Variants in GRIP1 observed in about 807,000 individuals in gnomAD.
GRIP1 encodes the protein glutamate receptor-interacting protein 1.
In GRIP1, 45 loss-of-function variants were observed where a neutral mutation model predicts 129.9. The ratio of observed to expected loss-of-function variants is 0.35; its 90% CI spans 0.27 to 0.44. The LOEUF is 0.44. Among genes scored for constraint, GRIP1 ranks in the 20% least tolerant of loss-of-function variants. The pLI, the probability that GRIP1 is intolerant of heterozygous loss-of-function variation, is 1.00. For missense variants in GRIP1, 1,196 were observed against 1,396.8 expected (o/e 0.86, Z 2.29); for synonymous variants, 530 against 520.8 (o/e 1.02, Z -0.24).
chr12:66,895,058 GTACCATGTGCCAGATTGTCAGCCTCTGT>G (rs1418343114), intron 1 of GRIP1, among the ~76,000 whole-genome samples: 4 of 152,024 alleles, frequency 2.6e-5, no homozygotes, highest in African/African-American at 4.8e-5. Context: ...TCAGCCTCTG[GTACCATGTGCCAGATTGTCAGCCTCTGT>G]TACCATGAAC....
chr12:66,457,388 C>T (rs2058999383), intron 9 of GRIP1, among the ~76,000 whole-genome samples: 2 of 152,172 alleles, frequency 1.3e-5, no homozygotes, highest in Non-Finnish European at 2.9e-5. Flanking sequence ...CCGCCTCAGC[C>T]TCCTGAGTAG....
chr12:66,874,773 C>T (rs1566060700), intron 1 of GRIP1, among the ~76,000 whole-genome samples: 1 of 152,044 alleles, frequency 6.6e-6, no homozygotes, highest in Admixed American at 6.6e-5. Flanking sequence ...CCCCCATGAT[C>T]CAATCACCTC....
chr12:66,624,874 A>G (rs529631764), intron 1 of GRIP1, among the ~76,000 whole-genome samples: 2 of 152,320 alleles, frequency 1.3e-5, no homozygotes, highest in South Asian at 4.1e-4. Context: ...GCTAATTTCC[A>G]GCAAAACATT....
At chr12:66,505,410 T>C (rs529153694) in intron 7 of GRIP1, among the ~76,000 whole-genome samples, 1 of 152,310 alleles carries the variant, frequency 6.6e-6, no homozygotes, top group East Asian at 1.9e-4. Context: ...TGCGTTAGCT[T>C]GGAAGGGATT....
chr12:66,421,695 T>C (rs2057808952), intron 14 of GRIP1, among the ~76,000 whole-genome samples: 1 of 151,174 alleles, frequency 6.6e-6, no homozygotes, highest in Admixed American at 6.6e-5. Context: ...ATTTTGTTGC[T>C]AGTTAACTAA....
chr12:66,444,853 C>T (rs1565744362), intron 12 of GRIP1, 124 bp from the exon 13 acceptor site: 1 of 932,886 alleles, frequency 1.1e-6, no homozygotes, highest in South Asian at 1.4e-5. Context: ...TTATTCAATG[C>T]TGTGGGCATC....
At chr12:66,988,022 T>A (rs1592433656) in intron 1 of GRIP1, among the ~76,000 whole-genome samples, 1 of 152,300 alleles carries the variant, frequency 6.6e-6, no homozygotes, top group East Asian at 1.9e-4. Context: ...AAGGTCTCTG[T>A]TTCCTCATTT....
intron 1 of GRIP1, among the ~76,000 whole-genome samples, chr12:67,033,430 A>G (rs2043052057): frequency 6.6e-6 from 1 of 152,260 alleles, no homozygotes; most frequent in East Asian, 1.9e-4. Flanking sequence ...ATATACATCT[A>G]TATACCTACA....
chr12:66,478,197 C>G (rs1057351843), intron 7 of GRIP1, among the ~76,000 whole-genome samples: 3 of 152,082 alleles, frequency 2.0e-5, no homozygotes, highest in African/African-American at 7.3e-5. Flanking sequence ...GACAAACAAC[C>G]CCATCAAAAA....
At chr12:66,397,543 T>C (rs2056842983) in intron 16 of GRIP1, among the ~76,000 whole-genome samples, 1 of 151,872 alleles carries the variant, frequency 6.6e-6, no homozygotes, top group Non-Finnish European at 1.5e-5. Flanking sequence ...TGTTTTTCTA[T>C]CAGATAGATT....
chr12:66,390,935 T>C (rs1361232466), intron 19 of GRIP1, among the ~76,000 whole-genome samples: 1 of 152,198 alleles, frequency 6.6e-6, no homozygotes, highest in Non-Finnish European at 1.5e-5. Flanking sequence ...ACTTAGGTGT[T>C]CAAAGTATTT....
At chr12:66,434,488 T>C (rs1192436645) in intron 13 of GRIP1, among the ~76,000 whole-genome samples, 1 of 152,230 alleles carries the variant, frequency 6.6e-6, no homozygotes, top group African/African-American at 2.4e-5. Flanking sequence ...ATCCTTTCAA[T>C]TTCTCAGTAG....
At chr12:66,522,158 T>C (rs560196177) in intron 5 of GRIP1, among the ~76,000 whole-genome samples, 20 of 152,292 alleles carry the variant, frequency 1.3e-4, no homozygotes, top group African/African-American at 4.3e-4. Flanking sequence ...GAGTAGTGGT[T>C]CTCCCAGCAT....
Position 66,615,604 on chromosome 12 carries a change from A to C in GRIP1, c.56-18677T>G, listed in dbSNP as rs2065005721. On this transcript the variant is annotated intron_variant, in intron 1 of 24. Coordinates refer to ENST00000359742, the MANE Select transcript of GRIP1 (RefSeq NM_001366722.1). ...TAAATTTCATCTACCTTAAATGAAT[A>C]CACTAGTGTTCCTAATAAATGGCAA... Among the ~76,000 whole-genome samples, 4 of 152,200 alleles carry C rather than the reference A, an allele frequency of 2.6e-5. No individual in the cohort carries two copies. The South Asian group carries it at 8.3e-4, about 31-fold the overall frequency.
chr12:66,895,701 A>G (rs1267538383), intron 1 of GRIP1, among the ~76,000 whole-genome samples: 2 of 152,218 alleles, frequency 1.3e-5, no homozygotes, highest in African/African-American at 4.8e-5. Context: ...AGCTGGCCGC[A>G]GACCCACCAC....
chr12:67,068,971 G>A (rs1486648882), intron 1 of GRIP1: 2 of 649,864 alleles, frequency 3.1e-6, no homozygotes, highest in Non-Finnish European at 3.8e-6. Context: ...GGGTCGGGAG[G>A]GAGCCGGGGA....
chr12:66,752,570 A>G (rs2037162540), intron 1 of GRIP1, among the ~76,000 whole-genome samples: 1 of 152,182 alleles, frequency 6.6e-6, no homozygotes, highest in South Asian at 2.1e-4. Flanking sequence ...CATATAGGCA[A>G]TTGATATATG....
intron 11 of GRIP1, among the ~76,000 whole-genome samples, chr12:66,447,004 CAG>C (rs2058648728): frequency 6.6e-6 from 1 of 152,174 alleles, no homozygotes; most frequent in South Asian, 2.1e-4. Flanking sequence ...ATTTTAGCAA[CAG>C]ATTTTTCCCC....
intron 13 of GRIP1, 23 bp downstream of exon 13, chr12:66,444,561 C>A: frequency 6.3e-7 from 1 of 1,581,210 alleles, no homozygotes. Context: ...ATGCAGTCCA[C>A]TCCTGAGATG....
Sources: gnomAD v4.1 joint callset for allele counts (sites outside exome capture counted in the v4.1 genomes callset) on GRCh38, gnomAD v4.1.1 for gene constraint, MANE v1.5 for transcripts, NCBI Gene and HGNC (gene_info 2026-07-23, HGNC 2026-07-21) for gene names.